The following ANO4 variants were observed in gnomAD, a reference collection of about 807,000 sequenced individuals.
ANO4 encodes anoctamin 4, also known as anoctamin-4.
Under a neutral mutation model 141.9 loss-of-function variants are expected in ANO4, and 69 were observed. The ratio of observed to expected loss-of-function variants is 0.49; its 90% CI spans 0.40 to 0.59. ANO4 has a LOEUF of 0.59. ANO4 is among the 20% of genes least tolerant of loss of function. The pLI is 0.00. For synonymous variants in ANO4, 350 were observed against 394.3 expected (o/e 0.89, Z 1.33); for missense variants, 894 against 1,162.2 (o/e 0.77, Z 3.36).
At chr12:100,763,703 G>T (rs989727142) in intron 3 of ANO4, among the ~76,000 whole-genome samples, 1 of 152,116 alleles carries the variant, frequency 6.6e-6, no homozygotes, top group Non-Finnish European at 1.5e-5. Flanking sequence ...GTTTTATTTC[G>T]GGTCATGTGG....
intron 3 of ANO4, among the ~76,000 whole-genome samples, chr12:100,925,344 C>T (rs532025986): frequency 2.7e-4 from 41 of 152,168 alleles, no homozygotes; most frequent in African/African-American, 8.9e-4. Flanking sequence ...AGTTCTGCGA[C>T]TGGCCCCAGT....
At chr12:100,919,010 A>C (rs1473465434) in intron 2 of ANO4, among the ~76,000 whole-genome samples, 1 of 152,180 alleles carries the variant, frequency 6.6e-6, no homozygotes, top group Non-Finnish European at 1.5e-5. Flanking sequence ...TTTTACAAAA[A>C]AAGTTTTAAA....
At chr12:100,978,230 C>T (rs1016094240) in intron 7 of ANO4, among the ~76,000 whole-genome samples, 1 of 152,152 alleles carries the variant, frequency 6.6e-6, no homozygotes, top group South Asian at 2.1e-4. Context: ...AATGAATCTC[C>T]ACATGCGTGT....
At chr12:100,883,159 C>T (rs777257574) in intron 1 of ANO4, among the ~76,000 whole-genome samples, 8 of 152,164 alleles carry the variant, frequency 5.3e-5, no homozygotes, top group Non-Finnish European at 1.2e-4. Flanking sequence ...GGCCAGTAAG[C>T]TCTAAAATTT....
chr12:100,867,552 G>C (rs754969931), intron 1 of ANO4, among the ~76,000 whole-genome samples: 1 of 151,780 alleles, frequency 6.6e-6, no homozygotes, highest in African/African-American at 2.4e-5. Context: ...TGCTTTACTC[G>C]GTCTACCCAT....
chr12:100,997,949 A>G (rs1009381577), intron 8 of ANO4, among the ~76,000 whole-genome samples: 6 of 152,192 alleles, frequency 3.9e-5, no homozygotes, highest in Non-Finnish European at 8.8e-5. Context: ...TCATGGCCAT[A>G]ACTTTCTGTG....
At chr12:100,813,704 A>G (rs941070029) in intron 1 of ANO4, among the ~76,000 whole-genome samples, 8 of 152,168 alleles carry the variant, frequency 5.3e-5, no homozygotes, top group African/African-American at 9.7e-5. Context: ...AAATTTTCCA[A>G]CTGATAAAAA....
At chr12:101,056,299 A>G (rs1345756633) in intron 14 of ANO4, among the ~76,000 whole-genome samples, 1 of 152,150 alleles carries the variant, frequency 6.6e-6, no homozygotes, top group Non-Finnish European at 1.5e-5. Flanking sequence ...TTTTCAATGT[A>G]CAAGGCTTCC....
chr12:100,966,669 T>G (rs114395649), intron 5 of ANO4, among the ~76,000 whole-genome samples: 9 of 152,194 alleles, frequency 5.9e-5, no homozygotes, highest in African/African-American at 1.9e-4. Context: ...GTTTATGATC[T>G]ACCTCTGTAC....
Position 101,042,376 on chromosome 12 carries a change from G to A in ANO4, c.1062G>A (p.Leu354=), listed in dbSNP as rs1278123286. The A allele has an allele frequency of 2.5e-6, 4 of 1,613,996 alleles. No individual in the cohort carries two copies. In the African/African-American group the frequency reaches 5.3e-5, roughly 22 times the overall value. Residue 354 remains leucine (L), a synonymous_variant, in exon 12 of 28, where the codon TTG becomes TTA. Coordinates refer to ENST00000392977, the MANE Select transcript of ANO4 (RefSeq NM_001286615.2). The part of the protein sequence containing the change: ...GEKIGLYFAW[L]GWYTGMLFPA... ...AGATTGGGTTATATTTTGCCTGGTT[G>A]GGCTGGTACACCGGCATGCTCTTCC...
At chr12:101,038,286 A>G (rs1335905522) in intron 10 of ANO4, 3 of 152,244 alleles carry the variant, frequency 2.0e-5, no homozygotes, top group Non-Finnish European at 4.4e-5. Flanking sequence ...TCATCATGTC[A>G]TTGTTAGTTG....
chr12:100,902,656 A>T (rs996495641), intron 2 of ANO4, among the ~76,000 whole-genome samples: 1 of 152,150 alleles, frequency 6.6e-6, no homozygotes, highest in African/African-American at 2.4e-5. Context: ...ATCTCTACTC[A>T]TGTCACACCA....
At chr12:100,734,558 A>G (rs969172728) in intron 2 of ANO4, among the ~76,000 whole-genome samples, 12 of 152,204 alleles carry the variant, frequency 7.9e-5, no homozygotes, top group African/African-American at 2.9e-4. Flanking sequence ...CTCCCTGCAT[A>G]CATTATTTTA....
intron 1 of ANO4, among the ~76,000 whole-genome samples, chr12:100,854,315 T>G (rs540934700): frequency 6.6e-6 from 1 of 152,286 alleles, no homozygotes; most frequent in Admixed American, 6.5e-5. Context: ...CTCTGTTTGC[T>G]TTAGCTGTTT....
chr12:100,922,358 C>T, intron 3 of ANO4, 28 bp downstream of exon 3: 3 of 1,467,652 alleles, frequency 2.0e-6, no homozygotes, highest in Admixed American at 2.2e-5. Flanking sequence ...TTTAAATTCG[C>T]CGTGAGAGAA....
intron 1 of ANO4, among the ~76,000 whole-genome samples, chr12:100,818,245 A>G (rs1429388576): frequency 2.0e-5 from 3 of 151,940 alleles, no homozygotes; most frequent in Non-Finnish European, 4.4e-5. Context: ...ATTCTTGTTA[A>G]ACACTATAGT....
chr12:100,799,390 A>G (rs573942834), intron 1 of ANO4, among the ~76,000 whole-genome samples: 1 of 152,252 alleles, frequency 6.6e-6, no homozygotes, highest in East Asian at 1.9e-4. Flanking sequence ...CAGGGCGAAT[A>G]TGTATATGAT....
chr12:100,733,695 C>T (rs1467885954), intron 1 of ANO4: 5 of 637,296 alleles, frequency 7.8e-6, no homozygotes, highest in African/African-American at 5.5e-5. Flanking sequence ...GTTTATTTAC[C>T]ACCAGTCATA....
At chr12:101,090,514 C>T (rs954964669) in intron 17 of ANO4, among the ~76,000 whole-genome samples, 3 of 152,044 alleles carry the variant, frequency 2.0e-5, no homozygotes, top group Non-Finnish European at 4.4e-5. Flanking sequence ...AACCAAACAC[C>T]GCATGTTCTC....
Sources: gnomAD v4.1 joint callset for allele counts (sites outside exome capture counted in the v4.1 genomes callset) on GRCh38, gnomAD v4.1.1 for gene constraint, MANE v1.5 for transcripts, NCBI Gene and HGNC (gene_info 2026-07-23, HGNC 2026-07-21) for gene names.